Variants in MDGA2 observed in about 807,000 individuals in gnomAD.
MDGA2 encodes the protein MAM domain containing glycosylphosphatidylinositol anchor 2.
MDGA2 carries 40 observed loss-of-function variants against 117.8 expected under a neutral mutation model. That is an observed-to-expected ratio of 0.34 (90% CI 0.26 to 0.44). The LOEUF (loss-of-function observed/expected upper bound fraction) is 0.44. Ranked by LOEUF, MDGA2 falls within the 20% of genes least tolerant of loss-of-function variation. The probability of loss-of-function intolerance (pLI) is 1.00; values close to 1 mark genes in which losing one functional copy is unlikely to be tolerated. For missense variants in MDGA2, 1,123 were observed against 1,250.6 expected, an observed-to-expected ratio of 0.90 and a Z score of 1.54; for synonymous variants, 452 against 439.0, an observed-to-expected ratio of 1.03 and a Z score of -0.37.
intron 3 of MDGA2, among the ~76,000 whole-genome samples, chr14:47,155,885 CTTCTTTTTTT>C (rs1883354037): frequency 2.5e-5 from 2 of 80,406 alleles, no homozygotes; most frequent in African/African-American, 8.7e-5. Flanking sequence ...TCTTCTTCTT[CTTCTTTTTTT>C]TTTTTTTTTT....
chr14:47,111,737 G>A (rs925062856), intron 5 of MDGA2, among the ~76,000 whole-genome samples: 1 of 152,118 alleles, frequency 6.6e-6, no homozygotes, highest in Non-Finnish European at 1.5e-5. Context: ...AGCAACAGTA[G>A]CAGTTGGTAA....
intron 8 of MDGA2, among the ~76,000 whole-genome samples, chr14:46,984,220 G>T (rs1334124781): frequency 2.0e-5 from 3 of 151,802 alleles, no homozygotes; most frequent in Admixed American, 6.6e-5. Flanking sequence ...TATTCCAAAT[G>T]AGTATCTGGT....
intron 8 of MDGA2, among the ~76,000 whole-genome samples, chr14:46,968,452 C>G (rs1886123947): frequency 6.6e-6 from 1 of 152,100 alleles, no homozygotes; most frequent in South Asian, 2.1e-4. Context: ...TAAAAAGCAT[C>G]TACATTAAAA....
At chr14:47,006,319 G>A (rs770053014) in intron 8 of MDGA2, among the ~76,000 whole-genome samples, 10 of 119,684 alleles carry the variant, frequency 8.4e-5, no homozygotes, top group African/African-American at 2.6e-4. Flanking sequence ...TTGAAATAAC[G>A]TTGTCTCCAT....
intron 14 of MDGA2, among the ~76,000 whole-genome samples, chr14:46,861,238 A>G (rs913567012): frequency 6.6e-6 from 1 of 152,048 alleles, no homozygotes; most frequent in East Asian, 1.9e-4. Context: ...AGTGCATACT[A>G]TATGTCCTTC....
At chr14:47,328,853 G>A (rs1388099296) in intron 1 of MDGA2, among the ~76,000 whole-genome samples, 2 of 151,988 alleles carry the variant, frequency 1.3e-5, no homozygotes, top group African/African-American at 4.8e-5. Flanking sequence ...AATTAAGATT[G>A]CGGAGAATAT....
intron 1 of MDGA2, among the ~76,000 whole-genome samples, chr14:47,535,384 A>G (rs1895188883): frequency 6.6e-6 from 1 of 152,202 alleles, no homozygotes; most frequent in African/African-American, 2.4e-5. Flanking sequence ...AAATTAAGTC[A>G]AATGCAAACA....
rs1880008986 is a variant in MDGA2, at chr14:47,096,954, G to A, written c.1095C>T (p.Thr365=). 2 of 1,613,270 alleles carry A rather than the reference G, an allele frequency of 1.2e-6. No homozygotes were observed. Among genetic ancestry groups the A allele is most frequent in the Non-Finnish European group, 1.7e-6 (2 of 1,179,480 alleles). Residue 365 remains threonine, a synonymous_variant, in exon 6 of 17, where the codon ACC becomes ACT. Coordinates refer to ENST00000399232, the MANE Select transcript of MDGA2 (RefSeq NM_001113498.3). ...EKTVLNGGTL[T]IPAITSDDAG... ...CATCATCTGAGGTGATGGCAGGTATGGTCAAAGTTCCTCCATTCAAAACAG... is the reference window on the plus strand; with the variant it reads ...CATCATCTGAGGTGATGGCAGGTATAGTCAAAGTTCCTCCATTCAAAACAG...
At chr14:47,031,685 G>A (rs1042794481) in intron 8 of MDGA2, among the ~76,000 whole-genome samples, 11 of 152,128 alleles carry the variant, frequency 7.2e-5, no homozygotes, top group Non-Finnish European at 1.0e-4. Context: ...ATTGGATCTT[G>A]GTGTGGGATT....
chr14:47,226,240 A>AATAC (rs1459484248), intron 2 of MDGA2, among the ~76,000 whole-genome samples: 1 of 151,228 alleles, frequency 6.6e-6, no homozygotes, highest in Non-Finnish European at 1.5e-5. Flanking sequence ...TAAATAAATA[A>AATAC]ATAAATAAAT....
chr14:47,123,168 G>C (rs1156819842), intron 5 of MDGA2, among the ~76,000 whole-genome samples: 1 of 152,020 alleles, frequency 6.6e-6, no homozygotes, highest in East Asian at 1.9e-4. Context: ...TATCTTCTGG[G>C]AGAGTTACTA....
chr14:46,865,624 T>C (rs1595005160), intron 14 of MDGA2, among the ~76,000 whole-genome samples: 2 of 152,112 alleles, frequency 1.3e-5, no homozygotes, highest in Non-Finnish European at 2.9e-5. Flanking sequence ...GACGACATGA[T>C]TGTATATCTA....
chr14:47,533,888 A>G (rs957611531), intron 1 of MDGA2, among the ~76,000 whole-genome samples: 1 of 152,228 alleles, frequency 6.6e-6, no homozygotes, highest in South Asian at 2.1e-4. Flanking sequence ...TTTGATTAGT[A>G]AAGACAGTAA....
At chr14:46,960,634 ATG>A (rs1379974221) in intron 8 of MDGA2, 1 of 151,918 alleles carries the variant, frequency 6.6e-6, no homozygotes, top group South Asian at 2.1e-4. Context: ...GTCTGTATGT[ATG>A]TGTGTGTATA....
chr14:47,212,907 C>T (rs988707244), intron 3 of MDGA2, among the ~76,000 whole-genome samples: 5 of 152,112 alleles, frequency 3.3e-5, no homozygotes, highest in Admixed American at 2.0e-4. Context: ...ATCAGGTAAG[C>T]ATCCATTATT....
intron 1 of MDGA2, among the ~76,000 whole-genome samples, chr14:47,357,488 A>G (rs1891021341): frequency 1.3e-5 from 2 of 152,226 alleles, no homozygotes; most frequent in African/African-American, 2.4e-5. Flanking sequence ...ATATGCAGTC[A>G]CCAGTACCTT....
intron 2 of MDGA2, among the ~76,000 whole-genome samples, chr14:47,247,821 C>T (rs1594751745): frequency 6.6e-6 from 1 of 150,988 alleles, no homozygotes; most frequent in Non-Finnish European, 1.5e-5. Context: ...TAGGCCCCGA[C>T]GTGTGATGTT....
chr14:47,659,264 T>A (rs1287811049), intron 1 of MDGA2, among the ~76,000 whole-genome samples: 2 of 152,212 alleles, frequency 1.3e-5, no homozygotes, highest in African/African-American at 4.8e-5. Flanking sequence ...TGCTTTACTA[T>A]TTTCATTATT....
chr14:46,930,584 A>G (rs756707678), intron 9 of MDGA2, among the ~76,000 whole-genome samples: 25 of 152,172 alleles, frequency 1.6e-4, no homozygotes, highest in Non-Finnish European at 3.2e-4. Flanking sequence ...ATGACAAATA[A>G]TGACTAAGAA....
Sources: gnomAD v4.1 joint callset for allele counts (sites outside exome capture counted in the v4.1 genomes callset) on GRCh38, gnomAD v4.1.1 for gene constraint, MANE v1.5 for transcripts, NCBI Gene and HGNC (gene_info 2026-07-23, HGNC 2026-07-21) for gene names.